The following AGO3 variants were observed in gnomAD, a reference collection of about 807,000 sequenced individuals.
AGO3 encodes the protein argonaute RISC catalytic component 3.
In AGO3, 16 loss-of-function variants were observed where a neutral mutation model predicts 105.5. The observed-to-expected ratio is 0.15, with a 90% confidence interval of 0.10 to 0.23. AGO3 has a LOEUF of 0.23. Among genes scored for constraint, AGO3 ranks in the 10% least tolerant of loss-of-function variants. The probability of loss-of-function intolerance (pLI) is 1.00; values close to 1 mark genes in which losing one functional copy is unlikely to be tolerated. For missense variants in AGO3, 534 were observed against 1,088.0 expected, an observed-to-expected ratio of 0.49 and a Z score of 7.16; for synonymous variants, 340 against 367.3, an observed-to-expected ratio of 0.93 and a Z score of 0.85.
At chr1:35,948,683 A>G (rs992434202) in intron 2 of AGO3, among the ~76,000 whole-genome samples, 16 of 152,154 alleles carry the variant, frequency 1.1e-4, no homozygotes, top group Non-Finnish European at 1.9e-4. Context: ...TTTCATGTGT[A>G]TATGCTCAAT....
At chr1:36,013,022 G>A (rs1337140429) in intron 9 of AGO3, among the ~76,000 whole-genome samples, 4 of 151,470 alleles carry the variant, frequency 2.6e-5, no homozygotes, top group Non-Finnish European at 5.9e-5. Flanking sequence ...CTGCAGCCTT[G>A]AGCTCCCAGG....
chr1:36,040,879 C>G (rs1020192431), intron 16 of AGO3, among the ~76,000 whole-genome samples: 4 of 151,926 alleles, frequency 2.6e-5, no homozygotes, highest in Non-Finnish European at 5.9e-5. Flanking sequence ...TCAAGACCAG[C>G]CTGGCCAACA....
chr1:35,948,130 G>A (rs1178607187), intron 2 of AGO3, among the ~76,000 whole-genome samples: 1 of 152,034 alleles, frequency 6.6e-6, no homozygotes, highest in Non-Finnish European at 1.5e-5. Context: ...TGGGGCTTGA[G>A]GGATGTCAAT....
Position 36,012,239 on chromosome 1 carries a change from TG to T in AGO3, c.1150-1388del, listed in dbSNP as rs543283818. On this transcript the variant is annotated intron_variant, in intron 9 of 18. Transcript: ENST00000373191. ...GTCCCAGCTACTCAGGAGGCTGGGGTGGGAGGATCGCTTGGGCCCCAGGAGA... is the reference window on the plus strand; with the variant it reads ...GTCCCAGCTACTCAGGAGGCTGGGGTGGAGGATCGCTTGGGCCCCAGGAGA... Among the ~76,000 whole-genome samples, 997 of 148,294 alleles carry T rather than the reference TG, an allele frequency of 6.7e-3. 9 individuals are homozygous for T. Among genetic ancestry groups the T allele is most frequent in the African/African-American group, 0.024 (950 of 40,178 alleles).
chr1:35,964,166 G>A (rs1195927412), intron 2 of AGO3, among the ~76,000 whole-genome samples: 1 of 152,016 alleles, frequency 6.6e-6, no homozygotes, highest in Non-Finnish European at 1.5e-5. Context: ...TAAGTTCAGA[G>A]GTATATGTAC....
At chr1:35,957,374 A>C (rs938774386) in intron 2 of AGO3, among the ~76,000 whole-genome samples, 2 of 151,508 alleles carry the variant, frequency 1.3e-5, no homozygotes, top group Non-Finnish European at 2.9e-5. Flanking sequence ...AAAAGAAGTC[A>C]GTGGCCTGAT....
chr1:35,973,574 A>T, intron 5 of AGO3, 63 bp downstream of exon 5: 1 of 1,349,784 alleles, frequency 7.4e-7, no homozygotes, highest in Non-Finnish European at 9.7e-7. Flanking sequence ...TGTGTACATA[A>T]ATTTTATATA....
At position 36,043,489 on chromosome 1, in the gene AGO3, A is replaced by G; in HGVS notation, c.2215A>G (p.Thr739Ala). The G allele has an allele frequency of 1.2e-6, 2 of 1,614,078 alleles. No individual in the cohort carries two copies. Among genetic ancestry groups the G allele is most frequent in the Non-Finnish European group, 1.7e-6 (2 of 1,179,994 alleles). Residue 739 changes from threonine (T) to alanine (A), a missense_variant, in exon 17 of 19, where the codon ACA (threonine) becomes GCA (alanine). By Grantham distance (58) the Thr-to-Ala change is moderately conservative. Around this residue, in one of 2 missense-constraint regions of AGO3, gnomAD observed 373 missense variants for 854.0 expected, o/e 0.44. Coordinates refer to ENST00000373191, the MANE Select transcript of AGO3 (RefSeq NM_024852.4). ...TATCCCAGCTGGAACAACAGTTGAT[A>G]CAGACATTACACACCCATATGAGTT... The part of the protein sequence containing the change: ...GNIPAGTTVD[T>A]DITHPYEFDF...
chr1:35,958,634 C>A (rs2148762394), intron 2 of AGO3, among the ~76,000 whole-genome samples: 1 of 149,604 alleles, frequency 6.7e-6, no homozygotes, highest in Middle Eastern at 3.4e-3. Context: ...GCCTGGGCAT[C>A]AGAGCCAGAC....
chr1:36,022,920 TCAAAAAAAAAAA>T (rs147479978), intron 11 of AGO3, among the ~76,000 whole-genome samples: 91,135 of 123,996 alleles, frequency 0.73, 35,277 homozygotes, highest in Non-Finnish European at 0.89. Flanking sequence ...AGACTCCGTC[TCAAAAAAAAAAA>T]CAAAAAAAAA....
chr1:35,963,798 A>G (rs1053371240), intron 2 of AGO3, among the ~76,000 whole-genome samples: 5 of 152,212 alleles, frequency 3.3e-5, no homozygotes, highest in African/African-American at 1.2e-4. Flanking sequence ...GAAATACTGC[A>G]AAGACGTGGT....
At chr1:35,938,893 T>C (rs2148742679) in intron 1 of AGO3, among the ~76,000 whole-genome samples, 1 of 152,322 alleles carries the variant, frequency 6.6e-6, no homozygotes, top group Middle Eastern at 3.4e-3. Flanking sequence ...TGTTTAGCTT[T>C]AGACTTTCCA....
chr1:36,026,987 A>G, intron 11 of AGO3, 127 bp from the exon 12 acceptor site: 1 of 1,050,418 alleles, frequency 9.5e-7, no homozygotes, highest in Non-Finnish European at 1.4e-6. Flanking sequence ...TAGTCTGGTG[A>G]CCTCTCATAT....
intron 5 of AGO3, among the ~76,000 whole-genome samples, chr1:35,990,011 A>T (rs955130757): frequency 1.3e-5 from 2 of 152,198 alleles, no homozygotes; most frequent in South Asian, 4.1e-4. Flanking sequence ...ACAGTGTTGC[A>T]TGTAAATTCC....
At chr1:36,011,086 G>A (rs1640591075) in intron 9 of AGO3, among the ~76,000 whole-genome samples, 1 of 152,166 alleles carries the variant, frequency 6.6e-6, no homozygotes, top group Non-Finnish European at 1.5e-5. Flanking sequence ...AAAACTCATA[G>A]AGTAAGGCAA....
Position 36,054,956 on chromosome 1 carries a change from G to A in AGO3, c.2285G>A (p.Arg762His). The change falls in exon 18 of 19, where the codon CGT (arginine) becomes CAT (histidine). Residue 762 changes from arginine to histidine, a missense_variant. Physicochemically the swap from Arg to His is conservative, Grantham distance 29. Coordinates refer to ENST00000373191, the MANE Select transcript of AGO3 (RefSeq NM_024852.4). ...CSHAGIQGTS[R>H]PSHYHVLWDD... is the part of the protein sequence containing the mutation. Reference sequence around the variant, plus strand: ...TTGCCTTCTCTATAGGGTACCAGTCGTCCTTCACACTATCATGTTTTATGG... The same window carrying A: ...TTGCCTTCTCTATAGGGTACCAGTCATCCTTCACACTATCATGTTTTATGG... 1.9e-6 allele frequency: 3 copies of A among 1,614,004 alleles called. No homozygotes were observed. Among genetic ancestry groups the A allele is most frequent in the Non-Finnish European group, 1.7e-6 (2 of 1,179,942 alleles).
At chr1:35,934,665 G>T (rs1331209938) in intron 1 of AGO3, among the ~76,000 whole-genome samples, 4 of 151,490 alleles carry the variant, frequency 2.6e-5, no homozygotes, top group East Asian at 1.9e-4. Flanking sequence ...TATTTTTTTT[G>T]AGATGGAGTC....
At position 36,045,430 on chromosome 1, in the gene AGO3, C is replaced by A. The variant is rs558300441; in HGVS notation, c.2274+1882C>A. On this transcript the variant is annotated intron_variant, in intron 17 of 18. Transcript: ENST00000373191. ...AGAGATGGGATTTCACCATGATGGC[C>A]AGGCTGGTGTCGAACTCCTGACCTC... Among the ~76,000 whole-genome samples the A allele has an allele frequency of 3.9e-5, 6 of 152,132 alleles. No individual in the cohort carries two copies. The East Asian group carries it at 1.2e-3, about 29-fold the overall frequency.
intron 2 of AGO3, among the ~76,000 whole-genome samples, chr1:35,954,106 A>C (rs2148757982): frequency 6.6e-6 from 1 of 152,356 alleles, no homozygotes; most frequent in East Asian, 1.9e-4. Flanking sequence ...AGTAAAAACC[A>C]AATGGTATAG....
Sources: gnomAD v4.1 joint callset for allele counts (sites outside exome capture counted in the v4.1 genomes callset) on GRCh38, gnomAD v4.1.1 for gene constraint, gnomAD v4.1.1 regional missense constraint, MANE v1.5 for transcripts, NCBI Gene and HGNC (gene_info 2026-07-23, HGNC 2026-07-21) for gene names.